Variants in EXT2 observed in about 807,000 individuals in gnomAD.
EXT2 encodes exostosin-2.
Under a neutral mutation model 81.6 loss-of-function variants are expected in EXT2, and 53 were observed. That is an observed-to-expected ratio of 0.65 (90% CI 0.52 to 0.82). The LOEUF is 0.82. EXT2 is among the 40% of genes least tolerant of loss of function. The probability of loss-of-function intolerance (pLI) is 0.00; values close to 1 mark genes in which losing one functional copy is unlikely to be tolerated. For synonymous variants in EXT2, 320 were observed against 340.0 expected, an observed-to-expected ratio of 0.94 and a Z score of 0.65; for missense variants, 774 against 910.2, an observed-to-expected ratio of 0.85 and a Z score of 1.93.
chr11:44,188,296 G>T lies in EXT2; in HGVS notation c.1306-9533G>T, dbSNP rs147494460. ...GTAACTCTGTGAAGTAAGGGACAGG[G>T]ATTAGGATTTAAATCCTGTGGCCCA... is the stretch of plus-strand genomic sequence containing the variant. On this transcript the variant is annotated intron_variant, in intron 8 of 13. Transcript: ENST00000533608. 8.2e-3 allele frequency among the ~76,000 whole-genome samples: 1,254 copies of T among 152,220 alleles called. 19 individuals carry two copies. The highest frequency in any genetic ancestry group is 0.029 in the African/African-American group (1,193 of 41,512).
intron 6 of EXT2, among the ~76,000 whole-genome samples, chr11:44,129,386 C>T (rs1020425199): frequency 2.0e-4 from 31 of 152,230 alleles, no homozygotes; most frequent in African/African-American, 7.5e-4. Context: ...TTTCTTCTTT[C>T]CTGGTGTTAT....
chr11:44,229,695 T>A (rs1318775354), intron 10 of EXT2, among the ~76,000 whole-genome samples: 1 of 152,236 alleles, frequency 6.6e-6, no homozygotes, highest in Non-Finnish European at 1.5e-5. Context: ...ACAGAATGGA[T>A]ATCACGTTAT....
intron 10 of EXT2, among the ~76,000 whole-genome samples, chr11:44,230,484 G>A (rs950886611): frequency 2.8e-4 from 43 of 152,180 alleles, no homozygotes; most frequent in Non-Finnish European, 8.8e-5. Context: ...TGGAAATGGG[G>A]TATTTTCAGA....
chr11:44,211,428 A>G (rs1462164543), intron 10 of EXT2, among the ~76,000 whole-genome samples: 4 of 152,216 alleles, frequency 2.6e-5, no homozygotes, highest in Admixed American at 6.5e-5. Flanking sequence ...CATATGCACA[A>G]TGGAATACTA....
intron 10 of EXT2, 73 bp from the exon 11 acceptor site, chr11:44,232,280 T>C (rs1955907993): frequency 6.3e-7 from 1 of 1,599,966 alleles, no homozygotes; most frequent in Non-Finnish European, 8.5e-7. Context: ...TGTTGATACC[T>C]GTTTGGATAA....
chr11:44,220,154 A>C lies in EXT2; in HGVS notation c.1663-12199A>C, dbSNP rs568621324. Among the ~76,000 whole-genome samples, 7 of 152,320 alleles carry C rather than the reference A, an allele frequency of 4.6e-5. No individual in the cohort carries two copies. In the East Asian group the frequency reaches 1.4e-3, roughly 29 times the overall value. On this transcript the variant is annotated intron_variant, in intron 10 of 13. Transcript: ENST00000533608. This position sits in a 1 kb window ranked among gnomAD's most constrained non-coding sequence, Gnocchi z 4.4. ...GCCTGGTTTTGGTGTGCACAAGGTCAAACCTTGCCAGAGCTGCACTGGATC... is the reference window on the plus strand; with the variant it reads ...GCCTGGTTTTGGTGTGCACAAGGTCCAACCTTGCCAGAGCTGCACTGGATC...
Position 44,248,845 on chromosome 11 carries a change from G to C in EXT2, c.*4558G>C, listed in dbSNP as rs1021006992. Among the ~76,000 whole-genome samples, 1 of 152,138 alleles carries C rather than the reference G, an allele frequency of 6.6e-6. No homozygotes were observed. ...TGGCAACAGTGGGAAGATGACCAGA[G>C]AAAGTTTGGCCCCCTCTCCCAAGCT... On this transcript the variant is annotated 3_prime_UTR_variant, in exon 14 of 14. Transcript: ENST00000533608.
chr11:44,167,091 A>G (rs965270861), intron 7 of EXT2, among the ~76,000 whole-genome samples: 11 of 152,200 alleles, frequency 7.2e-5, no homozygotes, highest in Non-Finnish European at 1.5e-4. Context: ...GTACTTGCCA[A>G]TTCTCTATCC....
chr11:44,131,091 T>C (rs538325562), intron 7 of EXT2, among the ~76,000 whole-genome samples: 1 of 152,334 alleles, frequency 6.6e-6, no homozygotes, highest in Non-Finnish European at 1.5e-5. Flanking sequence ...TTCCCCTGAC[T>C]TGGGGCTCTG....
chr11:44,238,094 G>GA (rs746139781), intron 13 of EXT2, among the ~76,000 whole-genome samples: 6 of 151,602 alleles, frequency 4.0e-5, no homozygotes, highest in Non-Finnish European at 8.8e-5. Flanking sequence ...CATCTCAAAA[G>GA]AAAAAAATGC....
chr11:44,148,094 G>C (rs1450713855), intron 7 of EXT2, among the ~76,000 whole-genome samples: 1 of 152,098 alleles, frequency 6.6e-6, no homozygotes, highest in Non-Finnish European at 1.5e-5. Context: ...AGCTTTAAAT[G>C]TCTCCATTTC....
At chr11:44,127,430 A>C (rs74533595) in intron 6 of EXT2, among the ~76,000 whole-genome samples, 44 of 152,314 alleles carry the variant, frequency 2.9e-4, no homozygotes, top group Admixed American at 1.4e-3. Flanking sequence ...TTAAATTATC[A>C]TAGAAGCGTG....
chr11:44,247,557 A>G lies in EXT2; in HGVS notation c.*3270A>G, dbSNP rs750703907. Among the ~76,000 whole-genome samples, 1 of 152,134 alleles carries G rather than the reference A, an allele frequency of 6.6e-6. No homozygotes were observed. Among genetic ancestry groups the G allele is most frequent in the African/African-American group, 2.4e-5 (1 of 41,438 alleles). On this transcript the variant is annotated 3_prime_UTR_variant, in exon 14 of 14. Transcript: ENST00000533608. ...GTGAGTCCCCACGCTCAGCCACTGTATCCTTTACTCAGTGTCATCAAGTTC... is the reference window on the plus strand; with the variant it reads ...GTGAGTCCCCACGCTCAGCCACTGTGTCCTTTACTCAGTGTCATCAAGTTC...
chr11:44,196,592 G>A (rs1054536001), intron 8 of EXT2, among the ~76,000 whole-genome samples: 3 of 151,764 alleles, frequency 2.0e-5, no homozygotes, highest in African/African-American at 7.3e-5. Flanking sequence ...TTTTTCCCCC[G>A]ACTGACAGGA....
chr11:44,212,960 A>G (rs573778457), intron 10 of EXT2, among the ~76,000 whole-genome samples: 1 of 152,260 alleles, frequency 6.6e-6, no homozygotes. Flanking sequence ...TTATATTATG[A>G]TATGGTGGTG....
intron 1 of EXT2, among the ~76,000 whole-genome samples, chr11:44,101,465 A>G (rs1349568639): frequency 6.6e-6 from 1 of 152,232 alleles, no homozygotes; most frequent in Non-Finnish European, 1.5e-5. Context: ...CTCCCCACAA[A>G]AAAGAGTTAT....
intron 7 of EXT2, among the ~76,000 whole-genome samples, chr11:44,153,177 G>A (rs1287119338): frequency 6.6e-6 from 1 of 152,108 alleles, no homozygotes; most frequent in Non-Finnish European, 1.5e-5. Context: ...ATTTATTTAA[G>A]TTATTTGATA....
At chr11:44,127,019 C>G in intron 6 of EXT2, 64 bp downstream of exon 6, 1 of 1,588,824 alleles carries the variant, frequency 6.3e-7, no homozygotes, top group Non-Finnish European at 8.6e-7. Flanking sequence ...ATAAAATCTC[C>G]TCAGGTCATT....
At chr11:44,154,326 C>T (rs1954831890) in intron 7 of EXT2, among the ~76,000 whole-genome samples, 1 of 152,038 alleles carries the variant, frequency 6.6e-6, no homozygotes, top group South Asian at 2.1e-4. Context: ...CATCATTCTA[C>T]CTTCTATCTC....
Sources: allele counts gnomAD v4.1 joint callset (sites outside exome capture counted in the v4.1 genomes callset), GRCh38; gene constraint gnomAD v4.1.1; non-coding constraint Gnocchi (gnomAD v3.1); transcripts MANE v1.5; gene names NCBI Gene and HGNC (gene_info 2026-07-23, HGNC 2026-07-21).